The following TFDP2 variants were observed in gnomAD, a reference collection of about 807,000 sequenced individuals.
TFDP2 encodes transcription factor Dp-2.
Under a neutral mutation model 59.3 loss-of-function variants are expected in TFDP2, and 17 were observed. That is an observed-to-expected ratio of 0.29 (90% CI 0.20 to 0.43). TFDP2 has a LOEUF of 0.43. Ranked by LOEUF, TFDP2 falls within the 20% of genes least tolerant of loss-of-function variation. TFDP2 has a pLI of 1.00. For missense variants in TFDP2, 391 were observed against 528.8 expected (o/e 0.74, Z 2.56); for synonymous variants, 180 against 194.7 (o/e 0.92, Z 0.63).
chr3:142,045,836 T>C (rs1321277023), intron 3 of TFDP2, among the ~76,000 whole-genome samples: 2 of 151,840 alleles, frequency 1.3e-5, no homozygotes, highest in African/African-American at 4.8e-5. Flanking sequence ...TTGGCTAGGC[T>C]GGTCTCAAAA....
chr3:141,992,990 C>T (rs1383552663), intron 6 of TFDP2, among the ~76,000 whole-genome samples: 4 of 152,066 alleles, frequency 2.6e-5, no homozygotes, highest in African/African-American at 9.7e-5. Context: ...TTCCTTATGC[C>T]CAACATATTG....
intron 3 of TFDP2, among the ~76,000 whole-genome samples, chr3:142,011,475 G>GATATACCTA (rs1944679391): frequency 7.6e-6 from 1 of 132,170 alleles, no homozygotes; most frequent in Non-Finnish European, 1.6e-5. Flanking sequence ...AGCATTGGGA[G>GATATACCTA]ATATACCTAA....
chr3:141,991,363 C>T (rs1456036284), intron 6 of TFDP2, among the ~76,000 whole-genome samples: 2 of 152,072 alleles, frequency 1.3e-5, no homozygotes, highest in Admixed American at 1.3e-4. Context: ...GTAAAAGTTT[C>T]ACTTCTTGTT....
intron 9 of TFDP2, among the ~76,000 whole-genome samples, chr3:141,965,621 G>C (rs966997719): frequency 4.7e-5 from 7 of 150,434 alleles, no homozygotes; most frequent in Non-Finnish European, 8.9e-5. Flanking sequence ...GGAAAGGAAA[G>C]GAAAAAAGAA....
intron 1 of TFDP2, among the ~76,000 whole-genome samples, chr3:142,112,027 T>C (rs531147241): frequency 1.3e-5 from 2 of 151,684 alleles, no homozygotes; most frequent in South Asian, 2.1e-4. Flanking sequence ...GATGGTGCCA[T>C]TGCACTCCAG....
At chr3:141,970,227 A>T (rs1939506149) in intron 8 of TFDP2, 86 bp from the exon 9 acceptor site, 10 of 1,300,814 alleles carry the variant, frequency 7.7e-6, no homozygotes. Context: ...CTGAGATAAC[A>T]ATTTTCCCTA....
Position 142,104,650 on chromosome 3 carries a change from C to T in TFDP2, c.-92-2809G>A, listed in dbSNP as rs1411826158. On this transcript the variant is annotated intron_variant, in intron 1 of 12. Coordinates refer to ENST00000489671, the MANE Select transcript of TFDP2 (RefSeq NM_001178139.2). ...TGTGAAATATTTAGAACTAGAATAA[C>T]AATTAAAAAATAAAATATTCAGAAA... Among the ~76,000 whole-genome samples, 5 of 151,666 alleles carry T rather than the reference C, an allele frequency of 3.3e-5. No individual in the cohort carries two copies. In the East Asian group the frequency reaches 9.6e-4, roughly 29 times the overall value.
chr3:142,012,212 C>T (rs999715847), intron 3 of TFDP2, among the ~76,000 whole-genome samples: 6 of 152,136 alleles, frequency 3.9e-5, no homozygotes, highest in Admixed American at 2.0e-4. Flanking sequence ...CGGGGTTTCA[C>T]TGTGTTAGCC....
chr3:141,992,790 T>C (rs1942913204), intron 6 of TFDP2, among the ~76,000 whole-genome samples: 1 of 152,336 alleles, frequency 6.6e-6, no homozygotes, highest in South Asian at 2.1e-4. Context: ...CACTTTCATT[T>C]TAGACTGAAT....
At chr3:141,991,668 G>A (rs1464764121) in intron 6 of TFDP2, among the ~76,000 whole-genome samples, 1 of 152,182 alleles carries the variant, frequency 6.6e-6, no homozygotes, top group African/African-American at 2.4e-5. Flanking sequence ...AGAATCACTT[G>A]AGCCTGGGAG....
At position 142,131,889 on chromosome 3, in the gene TFDP2, C is replaced by A. The variant is rs143629854; in HGVS notation, c.-93+17294G>T. Among the ~76,000 whole-genome samples, 91 of 148,722 alleles carry A rather than the reference C, an allele frequency of 6.1e-4. 6 individuals carry two copies. Among genetic ancestry groups the A allele is most frequent in the African/African-American group, 2.4e-3 (91 of 38,692 alleles). ...GACGTGGTGGCACATGCCTGTAATCCCAGCTACTCGGGAGGCTGAGGTGGG... is the reference window on the plus strand; with the variant it reads ...GACGTGGTGGCACATGCCTGTAATCACAGCTACTCGGGAGGCTGAGGTGGG... On this transcript the variant is annotated intron_variant, in intron 1 of 12. Transcript: ENST00000489671.
intron 7 of TFDP2, among the ~76,000 whole-genome samples, chr3:141,977,124 T>C: frequency 1.8e-5 from 2 of 111,348 alleles, no homozygotes; most frequent in Middle Eastern, 9.5e-3. Context: ...TTTTTTTTTT[T>C]TTTTCCCCCC....
chr3:142,044,477 G>T (rs1947224817), intron 3 of TFDP2, among the ~76,000 whole-genome samples: 1 of 151,932 alleles, frequency 6.6e-6, no homozygotes, highest in South Asian at 2.1e-4. Flanking sequence ...CTCATGATCT[G>T]CCCATCTCGG....
intron 1 of TFDP2, among the ~76,000 whole-genome samples, chr3:142,141,093 A>G (rs944409378): frequency 1.3e-5 from 2 of 151,982 alleles, no homozygotes; most frequent in Non-Finnish European, 2.9e-5. Context: ...CCCTCCCCCA[A>G]CCCGGCTGCA....
intron 3 of TFDP2, among the ~76,000 whole-genome samples, chr3:142,031,976 CT>C (rs1479595310): frequency 6.6e-6 from 1 of 152,178 alleles, no homozygotes; most frequent in African/African-American, 2.4e-5. Flanking sequence ...AAAGCAAAAA[CT>C]TTCTGCTATC....
chr3:142,014,704 C>T (rs1210176820), intron 3 of TFDP2, among the ~76,000 whole-genome samples: 1 of 152,068 alleles, frequency 6.6e-6, no homozygotes, highest in Admixed American at 6.6e-5. Flanking sequence ...AAAAAACATC[C>T]CTTCAACTAC....
At chr3:142,065,495 TGTGTGTGTGTGTGG>T (rs999208668) in intron 3 of TFDP2, among the ~76,000 whole-genome samples, 37 of 150,296 alleles carry the variant, frequency 2.5e-4, no homozygotes, top group African/African-American at 8.8e-4. Context: ...TCACTCTGTG[TGTGTGTGTGTGTGG>T]GTGTGTGTGT....
chr3:142,020,889 G>A (rs1476301206), intron 3 of TFDP2, among the ~76,000 whole-genome samples: 1 of 151,974 alleles, frequency 6.6e-6, no homozygotes, highest in African/African-American at 2.4e-5. Flanking sequence ...GGAGGCTGAG[G>A]CAAGAGGATC....
At chr3:141,956,044 G>T (rs1936578605) in intron 11 of TFDP2, among the ~76,000 whole-genome samples, 1 of 152,174 alleles carries the variant, frequency 6.6e-6, no homozygotes, top group African/African-American at 2.4e-5. Flanking sequence ...CTAACCTCAA[G>T]TGATATGCCT....
Sources: gnomAD v4.1 joint callset for allele counts (sites outside exome capture counted in the v4.1 genomes callset) on GRCh38, gnomAD v4.1.1 for gene constraint, MANE v1.5 for transcripts, NCBI Gene and HGNC (gene_info 2026-07-23, HGNC 2026-07-21) for gene names.